The following NAV3 variants were observed in gnomAD, a reference collection of about 807,000 sequenced individuals.
NAV3 encodes neuron navigator 3.
In NAV3, 87 loss-of-function variants were observed where a neutral mutation model predicts 244.7. That is an observed-to-expected ratio of 0.36 (90% CI 0.30 to 0.42). NAV3 has a LOEUF of 0.42. Ranked by LOEUF, NAV3 falls within the 20% of genes least tolerant of loss-of-function variation. The probability of loss-of-function intolerance (pLI) is 1.00; values close to 1 mark genes in which losing one functional copy is unlikely to be tolerated. For missense variants in NAV3, 2,663 were observed against 2,893.3 expected (o/e 0.92, Z 1.83); for synonymous variants, 1,126 against 1,042.2 (o/e 1.08, Z -1.55).
At chr12:77,695,493 T>C (rs1875254335) in intron 2 of NAV3, among the ~76,000 whole-genome samples, 1 of 152,188 alleles carries the variant, frequency 6.6e-6, no homozygotes, top group African/African-American at 2.4e-5. Flanking sequence ...TTTTCCATTC[T>C]GTTCCATGGG....
chr12:78,101,565 A>G (rs1362623539), intron 12 of NAV3, among the ~76,000 whole-genome samples: 1 of 152,206 alleles, frequency 6.6e-6, no homozygotes, highest in East Asian at 1.9e-4. Flanking sequence ...TTTCTCATTT[A>G]AAACCTCTTT....
intron 1 of NAV3, among the ~76,000 whole-genome samples, chr12:77,842,288 A>G (rs1875802560): frequency 6.6e-6 from 1 of 152,052 alleles, no homozygotes; most frequent in African/African-American, 2.4e-5. Context: ...TCTGTTTCCC[A>G]CCTTAGGATC....
chr12:77,727,275 G>T (rs2137323973), intron 2 of NAV3, among the ~76,000 whole-genome samples: 1 of 152,020 alleles, frequency 6.6e-6, no homozygotes, highest in East Asian at 1.9e-4. Context: ...GGAGGTTCCA[G>T]TGAGAAGTTT....
chr12:77,652,384 A>G (rs1267321824), intron 2 of NAV3, among the ~76,000 whole-genome samples: 2 of 152,168 alleles, frequency 1.3e-5, no homozygotes, highest in African/African-American at 4.8e-5. Flanking sequence ...CTTTCTCTTT[A>G]TTGTACTACT....
chr12:77,680,158 GA>G (rs1874387655), intron 2 of NAV3, among the ~76,000 whole-genome samples: 2 of 152,150 alleles, frequency 1.3e-5, no homozygotes, highest in African/African-American at 2.4e-5. Flanking sequence ...AGAAGAATAG[GA>G]TCCAGAGTTC....
chr12:78,150,148 G>A (rs992037438), intron 22 of NAV3, among the ~76,000 whole-genome samples: 6 of 152,062 alleles, frequency 3.9e-5, no homozygotes, highest in Non-Finnish European at 2.9e-5. Flanking sequence ...TAGGCTACAT[G>A]TATAGAAGTA....
chr12:78,006,462 C>T lies in NAV3; in HGVS notation c.924C>T (p.Asn308=), dbSNP rs539744405. 2.6e-5 allele frequency: 42 copies of T among 1,614,088 alleles called. No individual in the cohort carries two copies. In the Middle Eastern group the frequency reaches 5.0e-4, roughly 19 times the overall value. ...GPQSSSGVNG[N]VQPPSTAGQP... is the part of the protein sequence containing the mutation. ...AATCGTCTTCAGGTGTAAATGGTAA[C>T]GTGCAGCCTCCCAGTACTGCTGGGC... Residue 308 remains asparagine (N), a synonymous_variant, in exon 8 of 40, where the codon AAC becomes AAT. Coordinates refer to ENST00000397909, the MANE Select transcript of NAV3 (RefSeq NM_001024383.2).
chr12:78,080,887 T>C (rs1953311542), intron 12 of NAV3, among the ~76,000 whole-genome samples: 1 of 152,230 alleles, frequency 6.6e-6, no homozygotes, highest in Admixed American at 6.5e-5. Flanking sequence ...ATGACTTTAT[T>C]TAGCTGAGCA....
chr12:77,596,786 T>A (rs142614029), intron 2 of NAV3, among the ~76,000 whole-genome samples: 1 of 152,208 alleles, frequency 6.6e-6, no homozygotes, highest in African/African-American at 2.4e-5. Flanking sequence ...CTTGGGTGAC[T>A]TTTTGCGGGA....
Position 78,007,363 on chromosome 12 carries a change from A to G in NAV3, c.1825A>G (p.Thr609Ala), listed in dbSNP as rs373986913. ...MTVAQSSGQSTGNGAVQLPQQ... is the reference protein window; with the variant it reads ...MTVAQSSGQSAGNGAVQLPQQ... ...AGTGGCACAAAGCAGTGGGCAGAGC[A>G]CAGGAAATGGTGCTGTCCAACTCCC... The change falls in exon 8 of 40, where the codon ACA (threonine) becomes GCA (alanine). Residue 609 changes from threonine to alanine, a missense_variant. This residue lies in a region of NAV3 where 1,521 missense variants were observed against 1,497.0 expected (regional missense o/e 1.02). Transcript: ENST00000397909. 3.8e-5 allele frequency: 62 copies of G among 1,614,044 alleles called. No individual in the cohort carries two copies. Among genetic ancestry groups the G allele is most frequent in the Non-Finnish European group, 5.3e-5 (62 of 1,180,026 alleles).
chr12:77,765,513 C>T (rs1468043), intron 2 of NAV3, among the ~76,000 whole-genome samples: 67,647 of 151,540 alleles, frequency 0.45, 16,880 homozygotes, highest in South Asian at 0.58. Flanking sequence ...GATGACTATC[C>T]GAGCCACTCA....
intron 8 of NAV3, among the ~76,000 whole-genome samples, chr12:78,019,131 C>A (rs1467430916): frequency 6.6e-6 from 1 of 152,052 alleles, no homozygotes; most frequent in Non-Finnish European, 1.5e-5. Context: ...GCAAGGCAGG[C>A]ATTTTTTCTT....
intron 9 of NAV3, among the ~76,000 whole-genome samples, chr12:78,040,276 A>T (rs1055723431): frequency 2.6e-5 from 4 of 152,142 alleles, no homozygotes; most frequent in Non-Finnish European, 5.9e-5. Context: ...GTTTTGCTCA[A>T]TAAGCGTTGG....
At chr12:77,878,008 A>G (rs1882079973) in intron 1 of NAV3, among the ~76,000 whole-genome samples, 1 of 152,088 alleles carries the variant, frequency 6.6e-6, no homozygotes, top group South Asian at 2.1e-4. Context: ...ATTCCAATAA[A>G]TGAGCATTCT....
Position 78,177,652 on chromosome 12 carries a change from A to C in NAV3, c.5330A>C (p.Gln1777Pro). The C allele has an allele frequency of 6.3e-7, 1 of 1,597,278 alleles. No individual in the cohort carries two copies. Among genetic ancestry groups the C allele is most frequent in the Non-Finnish European group, 8.5e-7 (1 of 1,179,248 alleles). ...CTTGTCTGGCCACCAAAGAAACGACAAAATGGCCCTGTGATCTACAAGCAT... is the reference window on the plus strand; with the variant it reads ...CTTGTCTGGCCACCAAAGAAACGACCAAATGGCCCTGTGATCTACAAGCAT... ...SPLVWPPKKR[Q>P]NGPVIYKHRS... The change falls in exon 28 of 40, where the codon CAA (glutamine) becomes CCA (proline). Residue 1777 changes from glutamine (Q) to proline (P), a missense_variant. Gln to Pro is a moderately conservative substitution (Grantham distance 76). This residue lies in a region of NAV3 where 193 missense variants were observed against 200.7 expected (regional missense o/e 0.96). Transcript: ENST00000397909.
chr12:77,680,734 A>G (rs1043324012), intron 2 of NAV3, among the ~76,000 whole-genome samples: 1 of 152,138 alleles, frequency 6.6e-6, no homozygotes, highest in African/African-American at 2.4e-5. Flanking sequence ...GGTGCACAAT[A>G]TAAGAAAAAT....
chr12:77,757,859 T>C (rs761847977), intron 2 of NAV3, among the ~76,000 whole-genome samples: 1 of 152,242 alleles, frequency 6.6e-6, no homozygotes, highest in Non-Finnish European at 1.5e-5. Context: ...TGATGCATTA[T>C]AAAGCCTTAT....
intron 2 of NAV3, among the ~76,000 whole-genome samples, chr12:77,751,108 T>G (rs1416102341): frequency 2.0e-5 from 3 of 152,246 alleles, no homozygotes; most frequent in Non-Finnish European, 4.4e-5. Flanking sequence ...GAACTGGTCC[T>G]ATTTCTTTAG....
At chr12:77,685,690 G>A (rs1874707332) in intron 2 of NAV3, among the ~76,000 whole-genome samples, 1 of 152,034 alleles carries the variant, frequency 6.6e-6, no homozygotes, top group African/African-American at 2.4e-5. Flanking sequence ...CTGTTTGTCA[G>A]GTCATTGCCA....
Sources: gnomAD v4.1 joint callset for allele counts (sites outside exome capture counted in the v4.1 genomes callset) on GRCh38, gnomAD v4.1.1 for gene constraint, gnomAD v4.1.1 regional missense constraint, MANE v1.5 for transcripts, NCBI Gene and HGNC (gene_info 2026-07-23, HGNC 2026-07-21) for gene names.